CXCL13: variants seen among roughly 807,000 people sequenced by gnomAD.
CXCL13 encodes C-X-C motif chemokine 13.
A neutral mutation model predicts 12.2 loss-of-function variants in CXCL13; 7 were observed. That is an observed-to-expected ratio of 0.57 (90% CI 0.33 to 1.07). The LOEUF (loss-of-function observed/expected upper bound fraction) is 1.07, where lower values mean the gene tolerates loss of function less well. Ranked by LOEUF, CXCL13 falls within the 50% of genes least tolerant of loss-of-function variation. The pLI is 0.04. For synonymous variants in CXCL13, 47 were observed against 42.4 expected, an observed-to-expected ratio of 1.11 and a Z score of -0.42; for missense variants, 113 against 127.4, an observed-to-expected ratio of 0.89 and a Z score of 0.55.
chr4:77,599,982 G>T (rs549708772), intron 1 of CXCL13, among the ~76,000 whole-genome samples: 1 of 152,166 alleles, frequency 6.6e-6, no homozygotes, highest in African/African-American at 2.4e-5. Context: ...GATTAAAGGC[G>T]ATGAAGGAGT....
At chr4:77,550,611 A>C (rs1725491917) in intron 1 of CXCL13, among the ~76,000 whole-genome samples, 1 of 152,124 alleles carries the variant, frequency 6.6e-6, no homozygotes, top group Non-Finnish European at 1.5e-5. Context: ...TGATGGGAGG[A>C]GTATTCTGTA....
chr4:77,556,958 A>T (rs1725673472), intron 1 of CXCL13, among the ~76,000 whole-genome samples: 1 of 152,120 alleles, frequency 6.6e-6, no homozygotes, highest in African/African-American at 2.4e-5. Context: ...TCGAGGCTGC[A>T]GTGATTTATG....
At chr4:77,538,337 T>G (rs981906764) in intron 1 of CXCL13, among the ~76,000 whole-genome samples, 11 of 147,274 alleles carry the variant, frequency 7.5e-5, no homozygotes, top group African/African-American at 2.8e-4. Flanking sequence ...TTTGGTTTGG[T>G]TTTTTTTTTA....
At chr4:77,516,492 A>G (rs1724423387) in intron 1 of CXCL13, among the ~76,000 whole-genome samples, 2 of 152,118 alleles carry the variant, frequency 1.3e-5, no homozygotes, top group African/African-American at 4.8e-5. Flanking sequence ...AGCTCCTGTT[A>G]TTGGTCTATT....
chr4:77,551,588 T>A (rs1725522965), intron 1 of CXCL13, among the ~76,000 whole-genome samples: 1 of 152,238 alleles, frequency 6.6e-6, no homozygotes, highest in Non-Finnish European at 1.5e-5. Flanking sequence ...CATGCCTTGA[T>A]GACACTCGTT....
chr4:77,576,060 A>T (rs1489335147), intron 1 of CXCL13, among the ~76,000 whole-genome samples: 1 of 151,816 alleles, frequency 6.6e-6, no homozygotes, highest in East Asian at 1.9e-4. Flanking sequence ...ATCCTCTGCA[A>T]AAGATGGTTT....
At chr4:77,594,105 G>C (rs943378787) in intron 1 of CXCL13, among the ~76,000 whole-genome samples, 2 of 152,208 alleles carry the variant, frequency 1.3e-5, no homozygotes, top group Non-Finnish European at 2.9e-5. Context: ...GCAGGTGTAA[G>C]TGTTTGGGGG....
chr4:77,523,400 G>A (rs190176114), intron 1 of CXCL13, among the ~76,000 whole-genome samples: 5 of 152,214 alleles, frequency 3.3e-5, no homozygotes, highest in East Asian at 1.9e-4. Context: ...TGGAGGCTTC[G>A]TTCATTTCTT....
chr4:77,533,737 G>C (rs1039433229), intron 1 of CXCL13, among the ~76,000 whole-genome samples: 2 of 152,124 alleles, frequency 1.3e-5, no homozygotes, highest in African/African-American at 2.4e-5. Flanking sequence ...GCAATGGCGG[G>C]CACCCCTCCC....
chr4:77,550,029 TA>T (rs1203063157), intron 1 of CXCL13, among the ~76,000 whole-genome samples: 24 of 152,230 alleles, frequency 1.6e-4, no homozygotes, highest in Non-Finnish European at 5.9e-5. Flanking sequence ...TTTGTTTACT[TA>T]GTCAAGCCTC....
intron 1 of CXCL13, among the ~76,000 whole-genome samples, chr4:77,597,678 G>A (rs1726795544): frequency 6.6e-6 from 1 of 152,166 alleles, no homozygotes; most frequent in Admixed American, 6.6e-5. Context: ...GAATATGGAA[G>A]AAGTTGAATA....
chr4:77,533,047 T>C (rs1353051710), intron 1 of CXCL13, among the ~76,000 whole-genome samples: 5 of 152,228 alleles, frequency 3.3e-5, no homozygotes, highest in Non-Finnish European at 7.3e-5. Context: ...ATCATGGTCA[T>C]TCTCCATCCA....
At chr4:77,560,554 C>A (rs1725788792) in intron 1 of CXCL13, among the ~76,000 whole-genome samples, 1 of 152,176 alleles carries the variant, frequency 6.6e-6, no homozygotes, top group African/African-American at 2.4e-5. Context: ...ACTCAGCTGT[C>A]CTCCCAGGCT....
chr4:77,549,013 T>G (rs1019308669), intron 1 of CXCL13, among the ~76,000 whole-genome samples: 1 of 152,208 alleles, frequency 6.6e-6, no homozygotes, highest in African/African-American at 2.4e-5. Flanking sequence ...GTCCCATATT[T>G]CTTGGATGCT....
intron 1 of CXCL13, among the ~76,000 whole-genome samples, chr4:77,595,399 A>G (rs1301704807): frequency 1.3e-5 from 2 of 152,202 alleles, no homozygotes; most frequent in Non-Finnish European, 2.9e-5. Flanking sequence ...CACAGACCAC[A>G]TCTTTTTTGT....
intron 1 of CXCL13, among the ~76,000 whole-genome samples, chr4:77,584,807 G>A (rs1276945218): frequency 6.6e-6 from 1 of 152,138 alleles, no homozygotes; most frequent in Non-Finnish European, 1.5e-5. Context: ...AGAAAAGTTG[G>A]GAATGCCAAT....
intron 1 of CXCL13, among the ~76,000 whole-genome samples, chr4:77,599,690 C>G (rs994406902): frequency 6.6e-6 from 1 of 152,190 alleles, no homozygotes; most frequent in African/African-American, 2.4e-5. Context: ...TTGGAGAGAG[C>G]ACCAGGATCC....
intron 1 of CXCL13, among the ~76,000 whole-genome samples, chr4:77,594,570 C>A (rs1726700310): frequency 6.6e-6 from 1 of 150,598 alleles, no homozygotes; most frequent in African/African-American, 2.5e-5. Flanking sequence ...AAATCCCAGG[C>A]ACAGTGGCCT....
chr4:77,519,614 G>A (rs1249715082), intron 1 of CXCL13, among the ~76,000 whole-genome samples: 1 of 152,026 alleles, frequency 6.6e-6, no homozygotes, highest in Non-Finnish European at 1.5e-5. Context: ...CTGGATATTA[G>A]CCCTTTGTCA....
Sources: allele counts gnomAD v4.1 joint callset (sites outside exome capture counted in the v4.1 genomes callset), GRCh38; gene constraint gnomAD v4.1.1; transcripts MANE v1.5; gene names NCBI Gene and HGNC (gene_info 2026-07-23, HGNC 2026-07-21).